CALN1: variants seen among roughly 807,000 people sequenced by gnomAD.
The protein encoded by CALN1 is calneuron 1, also known as calcium-binding protein 8.
A neutral mutation model predicts 30.6 loss-of-function variants in CALN1; 17 were observed. The ratio of observed to expected loss-of-function variants is 0.56; its 90% CI spans 0.38 to 0.83. CALN1 has a LOEUF of 0.83. Ranked by LOEUF, CALN1 falls within the 40% of genes least tolerant of loss-of-function variation. The pLI is 0.00. For synonymous variants in CALN1, 156 were observed against 131.4 expected (o/e 1.19, Z -1.28); for missense variants, 291 against 354.9 (o/e 0.82, Z 1.45).
intron 2 of CALN1, among the ~76,000 whole-genome samples, chr7:72,346,769 G>C (rs1027388020): frequency 3.3e-5 from 5 of 152,118 alleles, no homozygotes; most frequent in Non-Finnish European, 7.3e-5. Flanking sequence ...ACCCGCCTTG[G>C]CCTCCCAAAG....
At chr7:72,471,990 C>T in the CALN1 span, among the ~76,000 whole-genome samples, 8 of 152,080 alleles carry the variant, frequency 5.3e-5, no homozygotes, top group Non-Finnish European at 1.0e-4. Context: ...GAGATGGGGT[C>T]TTGCTACGTT....
At chr7:72,335,994 G>A (rs943789418) in intron 2 of CALN1, among the ~76,000 whole-genome samples, 39 of 152,306 alleles carry the variant, frequency 2.6e-4, no homozygotes, top group African/African-American at 9.1e-4. Flanking sequence ...CAGACTGTCC[G>A]GGGAAGACGG....
At chr7:71,830,018 T>C (rs1270449681) in intron 5 of CALN1, among the ~76,000 whole-genome samples, 1 of 149,184 alleles carries the variant, frequency 6.7e-6, no homozygotes, top group African/African-American at 2.5e-5. Flanking sequence ...TGTGTATGTG[T>C]GCATGAGTAA....
chr7:71,828,718 ATGTGTG>A (rs146892125), intron 5 of CALN1, among the ~76,000 whole-genome samples: 10 of 144,346 alleles, frequency 6.9e-5, no homozygotes, highest in East Asian at 2.1e-4. Flanking sequence ...ATATATGTAT[ATGTGTG>A]TGTGTGTGTG....
chr7:72,101,509 C>G (rs1806664841), intron 4 of CALN1, among the ~76,000 whole-genome samples: 1 of 152,250 alleles, frequency 6.6e-6, no homozygotes, highest in Middle Eastern at 3.4e-3. Context: ...CACCATCAAT[C>G]AGAATTGGGA....
intron 2 of CALN1, among the ~76,000 whole-genome samples, chr7:72,352,914 A>G (rs6460715): frequency 0.37 from 56,540 of 151,942 alleles, 11,254 homozygotes; most frequent in Admixed American, 0.45. Context: ...GAATCAGTAT[A>G]GATCCTAACG....
chr7:72,309,372 A>G (rs1799881290), intron 2 of CALN1, among the ~76,000 whole-genome samples: 1 of 152,162 alleles, frequency 6.6e-6, no homozygotes. Flanking sequence ...GGCACCCAAG[A>G]AGGGACTCAA....
chr7:72,493,302 A>G, the CALN1 span, among the ~76,000 whole-genome samples: 7 of 152,064 alleles, frequency 4.6e-5, no homozygotes, highest in East Asian at 7.7e-4. Flanking sequence ...TTCATTTAGC[A>G]TAATGTTTTC....
intron 4 of CALN1, among the ~76,000 whole-genome samples, chr7:72,041,947 G>T (rs900774677): frequency 2.0e-5 from 3 of 152,118 alleles, no homozygotes; most frequent in Non-Finnish European, 4.4e-5. Flanking sequence ...GTGGAACTAT[G>T]AGTCCATTAA....
At chr7:72,301,918 C>T (rs1420099710) in intron 2 of CALN1, among the ~76,000 whole-genome samples, 1 of 152,070 alleles carries the variant, frequency 6.6e-6, no homozygotes, top group African/African-American at 2.4e-5. Context: ...TCAAGAAAAC[C>T]AGTGTCACCG....
At chr7:71,958,065 CAAAAAAA>C (rs56355838) in intron 5 of CALN1, among the ~76,000 whole-genome samples, 7 of 93,874 alleles carry the variant, frequency 7.5e-5, no homozygotes, top group Non-Finnish European at 1.2e-4. Context: ...AACTCCATCT[CAAAAAAA>C]AAAAAAAAAA....
intron 4 of CALN1, among the ~76,000 whole-genome samples, chr7:72,105,827 GGGGATA>G (rs1461689226): frequency 9.6e-6 from 1 of 104,644 alleles, no homozygotes; most frequent in African/African-American, 3.6e-5. Flanking sequence ...GGAGGGAGAG[GGGGATA>G]GGGATGGGGA....
chr7:71,806,726 C>CA (rs1374161801), intron 6 of CALN1, among the ~76,000 whole-genome samples: 4 of 152,126 alleles, frequency 2.6e-5, no homozygotes, highest in Non-Finnish European at 5.9e-5. Flanking sequence ...AAGGACCCCC[C>CA]CCCAGGGAGC....
intron 3 of CALN1, among the ~76,000 whole-genome samples, chr7:72,138,319 C>T (rs1324214976): frequency 6.6e-6 from 1 of 151,898 alleles, no homozygotes; most frequent in East Asian, 1.9e-4. Flanking sequence ...AGGTGTCTGG[C>T]TCTTTTAAGA....
chr7:72,361,590 A>G (rs1250220008), intron 2 of CALN1, among the ~76,000 whole-genome samples: 2 of 152,238 alleles, frequency 1.3e-5, no homozygotes, highest in East Asian at 3.8e-4. Context: ...AAAGTTTACC[A>G]TAATATCATA....
At chr7:71,998,698 T>A (rs1799376156) in intron 5 of CALN1, among the ~76,000 whole-genome samples, 1 of 151,764 alleles carries the variant, frequency 6.6e-6, no homozygotes, top group African/African-American at 2.4e-5. Context: ...GCCTCCCAAG[T>A]AGCGTACACC....
At chr7:72,211,849 G>A (rs929787454) in intron 3 of CALN1, among the ~76,000 whole-genome samples, 1 of 152,044 alleles carries the variant, frequency 6.6e-6, no homozygotes, top group African/African-American at 2.4e-5. Flanking sequence ...TCTCTCAAAT[G>A]GAAATATGAT....
At chr7:72,150,037 T>C (rs1414165374) in intron 3 of CALN1, among the ~76,000 whole-genome samples, 1 of 150,044 alleles carries the variant, frequency 6.7e-6, no homozygotes, top group Non-Finnish European at 1.5e-5. Flanking sequence ...GGCAGGAGAA[T>C]CAGTTGAACC....
At chr7:72,320,378 T>C (rs915843947) in intron 2 of CALN1, among the ~76,000 whole-genome samples, 2 of 152,148 alleles carry the variant, frequency 1.3e-5, no homozygotes, top group African/African-American at 2.4e-5. Flanking sequence ...GGGAGCTCTA[T>C]CTGTTCCCCA....
Sources: gnomAD v4.1 joint callset for allele counts (sites outside exome capture counted in the v4.1 genomes callset) on GRCh38, gnomAD v4.1.1 for gene constraint, MANE v1.5 for transcripts, NCBI Gene and HGNC (gene_info 2026-07-23, HGNC 2026-07-21) for gene names.